The following GTF2F2 variants were observed in gnomAD, a reference collection of about 807,000 sequenced individuals.
The protein encoded by GTF2F2 is general transcription factor IIF subunit 2.
GTF2F2 carries 23 observed loss-of-function variants against 42.2 expected under a neutral mutation model. The ratio of observed to expected loss-of-function variants is 0.55; its 90% CI spans 0.39 to 0.77. The LOEUF (loss-of-function observed/expected upper bound fraction) is 0.77. Ranked by LOEUF, GTF2F2 falls within the 30% of genes least tolerant of loss-of-function variation. The pLI is 0.00. For synonymous variants in GTF2F2, 105 were observed against 100.8 expected, an observed-to-expected ratio of 1.04 and a Z score of -0.25; for missense variants, 261 against 287.2, an observed-to-expected ratio of 0.91 and a Z score of 0.66.
At chr13:45,242,329 A>G (rs539236107) in intron 5 of GTF2F2, among the ~76,000 whole-genome samples, 1 of 145,100 alleles carries the variant, frequency 6.9e-6, no homozygotes, top group African/African-American at 2.6e-5. Context: ...GGGCAGTCTC[A>G]GTAACTCTAC....
intron 4 of GTF2F2, chr13:45,193,072 T>G (rs1258582574): frequency 6.6e-6 from 1 of 152,182 alleles, no homozygotes. Context: ...ACCTGTAACT[T>G]TTTATTATAA....
chr13:45,282,264 G>A (rs1593535071), intron 7 of GTF2F2, among the ~76,000 whole-genome samples: 1 of 151,900 alleles, frequency 6.6e-6, no homozygotes, highest in East Asian at 1.9e-4. Context: ...AGGAAATTCT[G>A]TAATTTATAT....
chr13:45,271,798 C>T (rs1057341284), intron 7 of GTF2F2, among the ~76,000 whole-genome samples: 1 of 152,040 alleles, frequency 6.6e-6, no homozygotes, highest in African/African-American at 2.4e-5. Context: ...GTGATCTGCC[C>T]GTCAGACAGG....
At chr13:45,173,969 T>C (rs1413198333) in intron 4 of GTF2F2, among the ~76,000 whole-genome samples, 1 of 152,196 alleles carries the variant, frequency 6.6e-6, no homozygotes. Context: ...ACAAGTACTA[T>C]ATAAATGCTT....
At chr13:45,164,834 G>A (rs531927238) in intron 4 of GTF2F2, among the ~76,000 whole-genome samples, 2 of 152,154 alleles carry the variant, frequency 1.3e-5, no homozygotes, top group African/African-American at 4.8e-5. Flanking sequence ...ACAGCAGAAT[G>A]GGAAGGGTTA....
intron 3 of GTF2F2, 132 bp downstream of exon 3, chr13:45,149,920 G>T: frequency 1.3e-6 from 1 of 754,110 alleles, no homozygotes; most frequent in Admixed American, 4.2e-5. Flanking sequence ...AACACATAAA[G>T]GTATAAATGC....
chr13:45,251,850 A>G (rs1875891873), intron 5 of GTF2F2, among the ~76,000 whole-genome samples: 1 of 152,216 alleles, frequency 6.6e-6, no homozygotes, highest in African/African-American at 2.4e-5. Context: ...CTGCAATCTT[A>G]TATTTTGATA....
intron 5 of GTF2F2, among the ~76,000 whole-genome samples, chr13:45,207,853 T>C (rs987690922): frequency 1.3e-5 from 2 of 152,164 alleles, no homozygotes; most frequent in Admixed American, 1.3e-4. Context: ...ATAATAAATA[T>C]GTATCCGAAA....
At chr13:45,184,981 T>TTGTGTG (rs1300227535) in intron 4 of GTF2F2, among the ~76,000 whole-genome samples, 2 of 151,682 alleles carry the variant, frequency 1.3e-5, no homozygotes, top group African/African-American at 2.4e-5. Flanking sequence ...CCAACTGTTT[T>TTGTGTG]TGTGTGTGTG....
At chr13:45,170,471 C>T (rs1437030613) in intron 4 of GTF2F2, among the ~76,000 whole-genome samples, 1 of 152,176 alleles carries the variant, frequency 6.6e-6, no homozygotes, top group Non-Finnish European at 1.5e-5. Flanking sequence ...TCAGTTGAGT[C>T]AGTGATGCAG....
rs573497608 is a variant in GTF2F2 at position 45,191,996 on chromosome 13, G to C, written c.305-15428G>C. On this transcript the variant is annotated intron_variant, in intron 4 of 7. Transcript: ENST00000340473. ...TTATCCGTAATGAAATCTTGTAAGAGAAAATCTTGCTCTGACAGTAAATCA... is the reference window on the plus strand; with the variant it reads ...TTATCCGTAATGAAATCTTGTAAGACAAAATCTTGCTCTGACAGTAAATCA... Among the ~76,000 whole-genome samples the C allele has an allele frequency of 2.6e-5, 4 of 152,152 alleles. No homozygotes were observed. The South Asian group carries it at 8.3e-4, about 32-fold the overall frequency.
chr13:45,166,275 T>G (rs527310522), intron 4 of GTF2F2, among the ~76,000 whole-genome samples: 1 of 152,366 alleles, frequency 6.6e-6, no homozygotes, highest in South Asian at 2.1e-4. Context: ...ATTTTTTCCC[T>G]TTTAAATACA....
chr13:45,273,976 CATT>C (rs1344868408), intron 7 of GTF2F2, among the ~76,000 whole-genome samples: 1 of 152,086 alleles, frequency 6.6e-6, no homozygotes, highest in Non-Finnish European at 1.5e-5. Context: ...TTTAAGAAAA[CATT>C]ATTCTGTGGT....
intron 5 of GTF2F2, among the ~76,000 whole-genome samples, chr13:45,213,344 G>T (rs1276535272): frequency 1.3e-5 from 2 of 152,128 alleles, no homozygotes; most frequent in Non-Finnish European, 2.9e-5. Context: ...CCCTCAAAGT[G>T]CTGGGATTAC....
intron 5 of GTF2F2, among the ~76,000 whole-genome samples, chr13:45,210,664 A>G (rs1041244701): frequency 1.3e-5 from 2 of 152,186 alleles, no homozygotes. Flanking sequence ...ACATTTGTCT[A>G]CAATAGTTCA....
chr13:45,241,319 C>G (rs962863703), intron 5 of GTF2F2, among the ~76,000 whole-genome samples: 29 of 151,964 alleles, frequency 1.9e-4, no homozygotes, highest in Non-Finnish European at 2.6e-4. Context: ...GGAGCATATT[C>G]TCTATTTTCT....
At chr13:45,242,633 G>A (rs1875376287) in intron 5 of GTF2F2, among the ~76,000 whole-genome samples, 1 of 152,138 alleles carries the variant, frequency 6.6e-6, no homozygotes, top group African/African-American at 2.4e-5. Flanking sequence ...AGATTAGCAA[G>A]GCAGTATTAG....
chr13:45,217,992 A>T (rs1309453524), intron 5 of GTF2F2, among the ~76,000 whole-genome samples: 3 of 152,260 alleles, frequency 2.0e-5, no homozygotes, highest in Admixed American at 2.0e-4. Context: ...TTTTATTACT[A>T]AGTGTGAAAT....
At chr13:45,191,215 C>CAA (rs1158010068) in intron 4 of GTF2F2, among the ~76,000 whole-genome samples, 5,360 of 74,486 alleles carry the variant, frequency 0.072, 373 homozygotes, top group East Asian at 0.16. Flanking sequence ...ACTAAAAATA[C>CAA]AAAAAAAAAA....
Sources: allele counts gnomAD v4.1 joint callset (sites outside exome capture counted in the v4.1 genomes callset), GRCh38; gene constraint gnomAD v4.1.1; transcripts MANE v1.5; gene names NCBI Gene and HGNC (gene_info 2026-07-23, HGNC 2026-07-21).